LUZP2: variants seen among roughly 807,000 people sequenced by gnomAD.
LUZP2 encodes the protein leucine zipper protein 2.
A neutral mutation model predicts 51.6 loss-of-function variants in LUZP2; 52 were observed. The ratio of observed to expected loss-of-function variants is 1.01; its 90% CI spans 0.81 to 1.27. The LOEUF (loss-of-function observed/expected upper bound fraction) is 1.27, where lower values mean the gene tolerates loss of function less well. LUZP2 is among the 50% of genes most tolerant of loss of function. The pLI, the probability that LUZP2 is intolerant of heterozygous loss-of-function variation, is 0.00. For missense variants in LUZP2, 436 were observed against 395.4 expected (o/e 1.10, Z -0.87); for synonymous variants, 154 against 137.3 (o/e 1.12, Z -0.85).
chr11:24,503,217 TCTGA>T (rs72116754), intron 1 of LUZP2, among the ~76,000 whole-genome samples: 10,296 of 152,254 alleles, frequency 0.068, 441 homozygotes, highest in Admixed American at 0.1. Context: ...GTAATAACAT[TCTGA>T]CTATTACATG....
intron 1 of LUZP2, among the ~76,000 whole-genome samples, chr11:24,572,431 A>G (rs1852474601): frequency 6.6e-6 from 1 of 151,930 alleles, no homozygotes; most frequent in Non-Finnish European, 1.5e-5. Context: ...CCAAAGACTC[A>G]TTAGAGTTTG....
intron 4 of LUZP2, among the ~76,000 whole-genome samples, chr11:24,757,305 C>T (rs1285994789): frequency 6.6e-6 from 1 of 151,874 alleles, no homozygotes; most frequent in African/African-American, 2.4e-5. Context: ...ATATTAGTAG[C>T]ACATATGTTA....
At chr11:24,538,180 A>G (rs1375807963) in intron 1 of LUZP2, among the ~76,000 whole-genome samples, 1 of 151,866 alleles carries the variant, frequency 6.6e-6, no homozygotes, top group South Asian at 2.1e-4. Flanking sequence ...GTGTTGCCCA[A>G]ATGAAAGGAA....
chr11:24,859,943 G>A (rs1352070363), intron 5 of LUZP2, among the ~76,000 whole-genome samples: 1 of 137,760 alleles, frequency 7.3e-6, no homozygotes, highest in Non-Finnish European at 1.6e-5. Flanking sequence ...AACTCCCAGA[G>A]GGAGGGGCGA....
intron 7 of LUZP2, among the ~76,000 whole-genome samples, chr11:24,957,860 C>T (rs1022351703): frequency 1.4e-4 from 21 of 152,224 alleles, no homozygotes; most frequent in African/African-American, 1.9e-4. Context: ...CCCACTAACT[C>T]GTCATCTAGC....
In LUZP2 at chr11:24,566,332, T is replaced by TATTTA. The variant is rs373379117; in HGVS notation, c.62+69027_62+69028insATTTA. On this transcript the variant is annotated intron_variant, in intron 1 of 11. Coordinates refer to ENST00000336930, the MANE Select transcript of LUZP2 (RefSeq NM_001009909.4). The stretch of plus-strand genomic sequence containing the variant: ...TTTATTGTATTATTTATTTATTTTT[T>TATTTA]TTTTTTTTTTTTTTTTGAGACGTAG... 8.1e-3 allele frequency among the ~76,000 whole-genome samples: 1,069 copies of TATTTA among 132,608 alleles called. 12 individuals are homozygous for TATTTA. Among genetic ancestry groups the TATTTA allele is most frequent in the African/African-American group, 0.021 (724 of 34,896 alleles). The allele number at this position is 132,608 out of a possible 152,430, so 87.0% of individuals were successfully genotyped here. A position where few individuals can be genotyped will look rare whatever the true frequency, so the allele number is the denominator to read the frequency against.
At chr11:24,742,075 A>ATATATATATATC (rs1325427290) in intron 4 of LUZP2, among the ~76,000 whole-genome samples, 7 of 140,628 alleles carry the variant, frequency 5.0e-5, no homozygotes, top group African/African-American at 1.7e-4. Context: ...ATATATATAT[A>ATATATATATATC]TCACCATTTC....
chr11:24,754,433 C>G (rs551607122), intron 4 of LUZP2, among the ~76,000 whole-genome samples: 1 of 152,146 alleles, frequency 6.6e-6, no homozygotes, highest in Non-Finnish European at 1.5e-5. Flanking sequence ...TCTGTAGTGA[C>G]CCATGAGGAG....
intron 1 of LUZP2, among the ~76,000 whole-genome samples, chr11:24,544,782 A>G (rs773216416): frequency 5.6e-4 from 86 of 152,240 alleles, no homozygotes; most frequent in East Asian, 2.9e-3. Context: ...AACAATTCAT[A>G]TTCCTTTGGA....
chr11:24,752,195 A>G (rs528714916), intron 4 of LUZP2, among the ~76,000 whole-genome samples: 1 of 152,268 alleles, frequency 6.6e-6, no homozygotes, highest in East Asian at 1.9e-4. Context: ...GTGAAATTTT[A>G]AAATATCAAA....
At chr11:24,669,492 T>A (rs768755204) in intron 1 of LUZP2, among the ~76,000 whole-genome samples, 3 of 152,156 alleles carry the variant, frequency 2.0e-5, no homozygotes, top group Non-Finnish European at 2.9e-5. Flanking sequence ...CAATTAATGC[T>A]ACAATTGTTT....
chr11:24,678,299 C>T (rs1856632204), intron 1 of LUZP2, among the ~76,000 whole-genome samples: 1 of 152,046 alleles, frequency 6.6e-6, no homozygotes, highest in Admixed American at 6.6e-5. Context: ...TAAAAGAATG[C>T]ATATCTAATT....
intron 10 of LUZP2, among the ~76,000 whole-genome samples, chr11:25,072,472 G>A (rs1565310908): frequency 6.6e-6 from 1 of 152,012 alleles, no homozygotes. Context: ...GATAACAAAG[G>A]TAATTTATTA....
At chr11:24,906,129 C>T (rs1853446010) in intron 6 of LUZP2, 76 bp downstream of exon 6, 1 of 941,650 alleles carries the variant, frequency 1.1e-6, no homozygotes, top group Non-Finnish European at 1.7e-6. Context: ...TCAACTCAGA[C>T]ATCTGGTAAC....
At chr11:24,941,448 T>G (rs1270631197) in intron 7 of LUZP2, among the ~76,000 whole-genome samples, 1 of 152,154 alleles carries the variant, frequency 6.6e-6, no homozygotes, top group Admixed American at 6.5e-5. Context: ...ATCAGCTGTG[T>G]CAAGCAGAAA....
chr11:24,791,243 G>A (rs1027807476), intron 5 of LUZP2, among the ~76,000 whole-genome samples: 10 of 152,098 alleles, frequency 6.6e-5, no homozygotes, highest in Admixed American at 1.3e-4. Flanking sequence ...ATGATTTTAT[G>A]TGCTATCTAC....
At chr11:24,958,136 T>G (rs371507397) in intron 7 of LUZP2, among the ~76,000 whole-genome samples, 13,394 of 152,208 alleles carry the variant, frequency 0.088, 1,974 homozygotes, top group African/African-American at 0.3. Context: ...CCACATTTTC[T>G]TAATCCAGTC....
chr11:24,851,912 G>T (rs183790703), intron 5 of LUZP2, among the ~76,000 whole-genome samples: 10 of 152,264 alleles, frequency 6.6e-5, no homozygotes, highest in Admixed American at 1.3e-4. Context: ...GCATAGCGGG[G>T]TTTATAGTAT....
intron 5 of LUZP2, among the ~76,000 whole-genome samples, chr11:24,815,019 A>G (rs918394820): frequency 1.3e-5 from 2 of 151,570 alleles, no homozygotes; most frequent in African/African-American, 2.4e-5. Flanking sequence ...AAAATAATCA[A>G]TGTGAAAGCA....
Sources: gnomAD v4.1 joint callset for allele counts (sites outside exome capture counted in the v4.1 genomes callset) on GRCh38, gnomAD v4.1.1 for gene constraint, MANE v1.5 for transcripts, NCBI Gene and HGNC (gene_info 2026-07-23, HGNC 2026-07-21) for gene names.